Variants in DNAH5 observed in about 807,000 individuals in gnomAD.
DNAH5 encodes the protein dynein axonemal heavy chain 5.
In DNAH5, 372 loss-of-function variants were observed where a neutral mutation model predicts 518.2. The observed-to-expected ratio is 0.72, with a 90% CI of 0.66 to 0.78. DNAH5 has a LOEUF of 0.78. Among genes scored for constraint, DNAH5 ranks in the 30% least tolerant of loss-of-function variants. The probability of loss-of-function intolerance (pLI) is 0.00; values close to 1 mark genes in which losing one functional copy is unlikely to be tolerated. For missense variants in DNAH5, 5,523 were observed against 5,687.0 expected, an observed-to-expected ratio of 0.97 and a Z score of 0.93; for synonymous variants, 2,039 against 2,025.9, an observed-to-expected ratio of 1.01 and a Z score of -0.17.
intron 1 of DNAH5, among the ~76,000 whole-genome samples, chr5:13,989,883 G>A (rs1783392847): frequency 6.6e-6 from 1 of 151,976 alleles, no homozygotes; most frequent in Non-Finnish European, 1.5e-5. Context: ...CTTATTTTCA[G>A]TCACTAGCAT....
At chr5:13,695,140 A>G (rs940565982) in intron 78 of DNAH5, among the ~76,000 whole-genome samples, 1 of 152,238 alleles carries the variant, frequency 6.6e-6, no homozygotes, top group Admixed American at 6.5e-5. Flanking sequence ...AATGAAATGG[A>G]CAGAACTAGA....
intron 55 of DNAH5, among the ~76,000 whole-genome samples, chr5:13,773,830 A>G (rs1487812428): frequency 6.6e-6 from 1 of 152,064 alleles, no homozygotes; most frequent in Non-Finnish European, 1.5e-5. Flanking sequence ...TGAAGAGATG[A>G]CATTTAGCTG....
At chr5:13,830,544 A>G (rs1763524471) in intron 36 of DNAH5, 53 bp downstream of exon 36, 1 of 1,599,198 alleles carries the variant, frequency 6.3e-7, no homozygotes, top group South Asian at 1.1e-5. Context: ...ATTTTAGCAA[A>G]ATATTCCACC....
chr5:13,721,132 C>T lies in DNAH5; in HGVS notation c.12147G>A (p.Leu4049=). 6.2e-7 allele frequency: 1 copy of T among 1,614,114 alleles called. No individual in the cohort carries two copies. Among genetic ancestry groups the T allele is most frequent in the Non-Finnish European group, 8.5e-7 (1 of 1,179,990 alleles). Residue 4049 remains leucine (L), a synonymous_variant, in exon 71 of 79, where the codon CTG becomes CTA. Transcript: ENST00000265104. ...AATCTGTGGGGTCTGAGCCCATAGA[C>T]AGGAGACAGATGAGTGGCGTCCGTG... ...SDPRTPLICL[L]SMGSDPTDSI...
chr5:13,776,537 CCCA>C lies in DNAH5; in HGVS notation c.9272_9274del (p.Val3091del). ...CAAAGCTCTGTTTCGAAATTTCTCC[CCCA>C]CTGGCGAGAAGCAGAGCACAATATG... On this transcript the variant is annotated inframe_deletion, in exon 55 of 79. Coordinates refer to ENST00000265104, the MANE Select transcript of DNAH5 (RefSeq NM_001369.3). 6.2e-7 allele frequency: 1 copy of C among 1,613,922 alleles called. No homozygotes were observed. The highest frequency in any genetic ancestry group is 1.1e-5 in the South Asian group (1 of 91,080).
intron 72 of DNAH5, among the ~76,000 whole-genome samples, chr5:13,717,869 T>C (rs1744513700): frequency 6.6e-6 from 1 of 152,154 alleles, no homozygotes; most frequent in Non-Finnish European, 1.5e-5. Flanking sequence ...ATTATTACTG[T>C]TGTTTTGAGC....
At chr5:13,821,273 TTAA>T (rs1463217939) in intron 40 of DNAH5, among the ~76,000 whole-genome samples, 2 of 152,184 alleles carry the variant, frequency 1.3e-5, no homozygotes, top group African/African-American at 4.8e-5. Flanking sequence ...TTTTAAATGT[TTAA>T]TTTAAAAGGT....
intron 22 of DNAH5, among the ~76,000 whole-genome samples, chr5:13,876,167 G>C (rs1397189703): frequency 6.6e-6 from 1 of 152,130 alleles, no homozygotes; most frequent in East Asian, 1.9e-4. Context: ...AAATTGCCTT[G>C]AATGTACATT....
Position 13,768,997 on chromosome 5 carries a change from G to C in DNAH5, c.9860C>G (p.Ala3287Gly). The C allele has an allele frequency of 1.9e-6, 3 of 1,614,156 alleles. No homozygotes were observed. The highest frequency in any genetic ancestry group is 1.7e-6 in the Non-Finnish European group (2 of 1,180,016). Residue 3287 changes from alanine (A) to glycine (G), a missense_variant, in exon 58 of 79, where the codon GCA (alanine) becomes GGA (glycine). Coordinates refer to ENST00000265104, the MANE Select transcript of DNAH5 (RefSeq NM_001369.3). ...TTCTGCCTCTTCTAAAGCTGGTTTTGCTGCTTCCAGTTTTTCTTCAGCAAT... is the reference window on the plus strand; with the variant it reads ...TTCTGCCTCTTCTAAAGCTGGTTTTCCTGCTTCCAGTTTTTCTTCAGCAAT... ...KAIAEEKLEA[A>G]KPALEEAEAA...
chr5:13,856,058 T>A (rs1356380148), intron 30 of DNAH5, among the ~76,000 whole-genome samples: 1 of 151,982 alleles, frequency 6.6e-6, no homozygotes, highest in East Asian at 1.9e-4. Context: ...AGATCTAAAA[T>A]CAACACTCTA....
intron 2 of DNAH5, 108 bp downstream of exon 2, chr5:13,931,002 G>A (rs546009562): frequency 1.3e-6 from 2 of 1,553,782 alleles, no homozygotes; most frequent in African/African-American, 2.7e-5. Context: ...TCCACGTTAA[G>A]ACAGGCACCT....
chr5:13,915,344 G>A (rs1249009049), intron 9 of DNAH5, among the ~76,000 whole-genome samples: 1 of 151,980 alleles, frequency 6.6e-6, no homozygotes, highest in Non-Finnish European at 1.5e-5. Flanking sequence ...CTCTCCTTTT[G>A]TACCTAATTC....
Position 13,871,789 on chromosome 5 carries a change from G to A in DNAH5, c.3397-24C>T, listed in dbSNP as rs368533827. The A allele has an allele frequency of 3.4e-5, 54 of 1,597,444 alleles. 1 individual carries two copies. The African/African-American group carries it at 6.4e-4, about 19-fold the overall frequency. The stretch of plus-strand genomic sequence containing the variant: ...TCCTGAATGCAAATAACAGATTTAT[G>A]TTAAGAAGGAAGAATCTGAAAGGCA... On this transcript the variant is annotated intron_variant, in intron 22 of 78. Transcript: ENST00000265104.
chr5:13,748,072 G>A (rs987113160), intron 65 of DNAH5, among the ~76,000 whole-genome samples: 2 of 152,166 alleles, frequency 1.3e-5, no homozygotes, highest in Non-Finnish European at 2.9e-5. Flanking sequence ...GTAAGGAAGG[G>A]ATCCAGTTTC....
intron 1 of DNAH5, among the ~76,000 whole-genome samples, chr5:13,939,757 A>G (rs1207749587): frequency 6.6e-6 from 1 of 152,092 alleles, no homozygotes; most frequent in African/African-American, 2.4e-5. Context: ...CGTTTCATTT[A>G]TCCCGGTGAA....
chr5:13,904,841 A>C (rs1775090554), intron 12 of DNAH5, among the ~76,000 whole-genome samples: 1 of 152,028 alleles, frequency 6.6e-6, no homozygotes, highest in Admixed American at 6.6e-5. Context: ...AGCCCAGCAG[A>C]TCGAGGCTGC....
At position 13,830,101 on chromosome 5, in the gene DNAH5, C is replaced by T; in HGVS notation, c.6174G>A (p.Glu2058=). The change falls in exon 37 of 79, where the codon GAG becomes GAA. Residue 2058 remains glutamate, a synonymous_variant. Transcript: ENST00000265104. ...CAGTAAAGATAAAAGACTTTTTGTG[C>T]TCCTTTTTACATGTCAGAATAATGG... ...QISIILTCKK[E]HKKSFIFTDG... The T allele has an allele frequency of 6.2e-7, 1 of 1,613,874 alleles. No individual in the cohort carries two copies. The highest frequency in any genetic ancestry group is 8.5e-7 in the Non-Finnish European group (1 of 1,179,860).
chr5:13,758,272 G>A (rs1751285966), intron 61 of DNAH5, among the ~76,000 whole-genome samples: 1 of 152,122 alleles, frequency 6.6e-6, no homozygotes, highest in Non-Finnish European at 1.5e-5. Context: ...GGAGGCCGAG[G>A]CAGGTGTATC....
Position 13,770,882 on chromosome 5 carries a change from C to T in DNAH5, c.9472G>A (p.Glu3158Lys), listed in dbSNP as rs933970590. 8.7e-6 allele frequency: 14 copies of T among 1,613,972 alleles called. No homozygotes were observed. In the African/African-American group the frequency reaches 1.1e-4, roughly 12 times the overall value. ...CTCTGAAAATAATCAACACACTTCT[C>T]AGCCACCCCATCCTGGAAGGAGCCC... ...CMGSFQDGVA[E>K]KCVDYFQRFR... The change falls in exon 56 of 79, where the codon GAG (glutamate) becomes AAG (lysine). Residue 3158 changes from glutamate (E) to lysine (K), a missense_variant. By Grantham distance (56) the Glu-to-Lys change is moderately conservative. Coordinates refer to ENST00000265104, the MANE Select transcript of DNAH5 (RefSeq NM_001369.3).
Sources: gnomAD v4.1 joint callset for allele counts (sites outside exome capture counted in the v4.1 genomes callset) on GRCh38, gnomAD v4.1.1 for gene constraint, MANE v1.5 for transcripts, NCBI Gene and HGNC (gene_info 2026-07-23, HGNC 2026-07-21) for gene names.